The following NIFK variants were observed in gnomAD, a reference collection of about 807,000 sequenced individuals.
The protein encoded by NIFK is nucleolar protein interacting with the FHA domain of MKI67.
A neutral mutation model predicts 31.7 loss-of-function variants in NIFK; 16 were observed. That is an observed-to-expected ratio of 0.50 (90% confidence interval 0.34 to 0.77). The LOEUF (loss-of-function observed/expected upper bound fraction) is 0.77, where lower values mean the gene tolerates loss of function less well. Ranked by LOEUF, NIFK falls within the 30% of genes least tolerant of loss-of-function variation. NIFK has a pLI of 0.01. For synonymous variants in NIFK, 126 were observed against 123.0 expected (o/e 1.02, Z -0.16); for missense variants, 341 against 350.4 (o/e 0.97, Z 0.21).
chr2:121,728,613 C>T lies in NIFK; in HGVS notation c.565-77G>A, dbSNP rs17006772. 1,920 of 771,894 alleles carry T rather than the reference C, an allele frequency of 2.5e-3. 28 individuals are homozygous for T. In the African/African-American group the frequency reaches 0.031, roughly 12 times the overall value. The allele number at this position is 771,894 out of a possible 1,614,324, so 47.8% of individuals were successfully genotyped here. The stretch of plus-strand genomic sequence containing the variant: ...AGCATTAGATCCTCATATATATTAT[C>T]AGTAAATCCTCCCTAAATGACAAGA... On this transcript the variant is annotated intron_variant, in intron 4 of 6. Transcript: ENST00000285814.
At position 121,731,133 on chromosome 2, in the gene NIFK, G is replaced by A. The variant is rs372425057; in HGVS notation, c.353-29C>T. The stretch of plus-strand genomic sequence containing the variant: ...TTTTCAAAAAGAAAAAAACATAAAG[G>A]TATTTTAATGTTAACTTTAGAATCT... On this transcript the variant is annotated intron_variant, in intron 3 of 6. Transcript: ENST00000285814. 3.3e-3 allele frequency: 4,320 copies of A among 1,292,130 alleles called. 168 individuals carry two copies. In the South Asian group the frequency reaches 0.053, roughly 16 times the overall value. The allele number at this position is 1,292,130 out of a possible 1,614,324, so 80.0% of individuals were successfully genotyped here. A position where few individuals can be genotyped will look rare whatever the true frequency, so the allele number is the denominator to read the frequency against.
At chr2:121,736,336 G>A (rs1573376842) in intron 1 of NIFK, among the ~76,000 whole-genome samples, 2 of 152,232 alleles carry the variant, frequency 1.3e-5, no homozygotes, top group Non-Finnish European at 2.9e-5. Flanking sequence ...CAAACTTCCC[G>A]AATGTGTTAA....
At chr2:121,735,575 G>GA (rs772175578) in intron 2 of NIFK, 38 bp downstream of exon 2, 17 of 1,606,812 alleles carry the variant, frequency 1.1e-5, no homozygotes, top group Non-Finnish European at 1.3e-5. Flanking sequence ...ATACACATTT[G>GA]AAAAACAAAA....
Position 121,732,157 on chromosome 2 carries a change from A to C in NIFK, c.291T>G (p.Asp97Glu). 6.2e-7 allele frequency: 1 copy of C among 1,613,752 alleles called. No individual in the cohort carries two copies. Among genetic ancestry groups the C allele is most frequent in the Non-Finnish European group, 8.5e-7 (1 of 1,179,628 alleles). ...TTGTTTCAGCAACTATTTTGGCAAC[A>C]TCCTCAGACTCAAACTCCACAAATG... ...GYAFVEFESE[D>E]VAKIVAETMN... Residue 97 changes from aspartate (D) to glutamate (E), a missense_variant, in exon 3 of 7, where the codon GAT becomes GAG. Physicochemically the swap from Asp to Glu is conservative, Grantham distance 45. Coordinates refer to ENST00000285814, the MANE Select transcript of NIFK (RefSeq NM_032390.5).
intron 4 of NIFK, among the ~76,000 whole-genome samples, chr2:121,729,635 G>A (rs1419058797): frequency 6.6e-6 from 1 of 152,128 alleles, no homozygotes; most frequent in South Asian, 2.1e-4. Flanking sequence ...TACAATCACA[G>A]TTCACTGCAA....
At position 121,736,862 on chromosome 2, in the gene NIFK, C is replaced by T; in HGVS notation, c.-12G>A. 6.2e-7 allele frequency: 1 copy of T among 1,608,964 alleles called. No individual in the cohort carries two copies. Among genetic ancestry groups the T allele is most frequent in the Non-Finnish European group, 8.5e-7 (1 of 1,175,544 alleles). On this transcript the variant is annotated 5_prime_UTR_variant, in exon 1 of 7. Transcript: ENST00000285814. ...GAAAAAGTCGCCATGCCAAAAGCCGCCGACGCTAACCACGCGGCGCTCCCG... is the reference window on the plus strand; with the variant it reads ...GAAAAAGTCGCCATGCCAAAAGCCGTCGACGCTAACCACGCGGCGCTCCCG...
intron 4 of NIFK, 80 bp downstream of exon 4, chr2:121,730,813 G>A (rs764911542): frequency 1.1e-6 from 1 of 934,442 alleles, no homozygotes; most frequent in Non-Finnish European, 1.8e-6. Context: ...GTAAGTGCTA[G>A]GCTAGGTACT....
In NIFK at chr2:121,736,875, C is replaced by T. The variant is rs764951177; in HGVS notation, c.-25G>A. ...TGCCAAAAGCCGCCGACGCTAACCA[C>T]GCGGCGCTCCCGGAAACGTCGGGCT... On this transcript the variant is annotated 5_prime_UTR_variant, in exon 1 of 7. In the 5' UTR this introduces an upstream ATG that the reference lacks. Coordinates refer to ENST00000285814, the MANE Select transcript of NIFK (RefSeq NM_032390.5). 1.3e-6 allele frequency: 2 copies of T among 1,591,408 alleles called. No individual in the cohort carries two copies. The highest frequency in any genetic ancestry group is 1.7e-6 in the Non-Finnish European group (2 of 1,159,734).
At chr2:121,730,457 G>A (rs376295415) in intron 4 of NIFK, 44 of 161,260 alleles carry the variant, frequency 2.7e-4, no homozygotes, top group Admixed American at 6.4e-4. Context: ...CTTGAACCCC[G>A]GAGGCGGAGG....
chr2:121,733,966 C>A (rs1024091839), intron 2 of NIFK, among the ~76,000 whole-genome samples: 8 of 152,082 alleles, frequency 5.3e-5, no homozygotes, highest in Non-Finnish European at 1.2e-4. Context: ...GCAGCTTAAT[C>A]TAAAGAGTTA....
chr2:121,732,939 G>T (rs1265897080), intron 2 of NIFK, among the ~76,000 whole-genome samples: 1 of 151,752 alleles, frequency 6.6e-6, no homozygotes, highest in African/African-American at 2.4e-5. Context: ...AAAATTAGCT[G>T]GGCATGGTGA....
chr2:121,728,706 G>T, intron 4 of NIFK, 170 bp from the exon 5 acceptor site: 1 of 516,182 alleles, frequency 1.9e-6, no homozygotes, highest in Non-Finnish European at 3.4e-6. Flanking sequence ...GCAAAACTAG[G>T]AAAAACCCAG....
chr2:121,730,916 T>A lies in NIFK; in HGVS notation c.541A>T (p.Ile181Phe). 6.2e-7 allele frequency: 1 copy of A among 1,610,880 alleles called. No individual in the cohort carries two copies. The change falls in exon 4 of 7, where the codon ATT becomes TTT. Residue 181 changes from isoleucine (I) to phenylalanine (F), a missense_variant. Physicochemically the swap from Ile to Phe is conservative, Grantham distance 21. Transcript: ENST00000285814. Reference protein sequence around the residue: ...LLRKKLAKKGIDYDFPSLILQ... With the variant: ...LLRKKLAKKGFDYDFPSLILQ... ...ACCAAAGAAGGAAAATCATAGTCAA[T>A]TCCTTTTTTAGCTAATTTCTTCCTG...
At position 121,736,831 on chromosome 2, in the gene NIFK, G is replaced by A. The variant is rs944946517; in HGVS notation, c.20C>T (p.Pro7Leu). 1.2e-6 allele frequency: 2 copies of A among 1,613,982 alleles called. No individual in the cohort carries two copies. Among genetic ancestry groups the A allele is most frequent in the East Asian group, 4.5e-5 (2 of 44,898 alleles). The stretch of plus-strand genomic sequence containing the variant: ...ATTAAGCGACAGGATTGGCCCAGCC[G>A]GGCCAGAAAAAGTCGCCATGCCAAA... MATFSGPAGPILSLNPQ... is the reference protein window; with the variant it reads MATFSGLAGPILSLNPQ... The change falls in exon 1 of 7, where the codon CCG becomes CTG. Residue 7 changes from proline (P) to leucine (L), a missense_variant. Physicochemically the swap from Pro to Leu is moderately conservative, Grantham distance 98. Coordinates refer to ENST00000285814, the MANE Select transcript of NIFK (RefSeq NM_032390.5).
intron 4 of NIFK, 40 bp from the exon 5 acceptor site, chr2:121,728,576 C>A (rs1162542101): frequency 8.6e-7 from 1 of 1,156,464 alleles, no homozygotes; most frequent in African/African-American, 1.6e-5. Flanking sequence ...CATATCTTTT[C>A]TTTCTAAACT....
chr2:121,731,166 G>T, intron 3 of NIFK, 62 bp from the exon 4 acceptor site: 1 of 919,896 alleles, frequency 1.1e-6, no homozygotes, highest in Non-Finnish European at 1.7e-6. Context: ...TCTCCGCAGT[G>T]CCATTCCTCA....
At position 121,736,749 on chromosome 2, in the gene NIFK, G is replaced by A. The variant is rs2074584517; in HGVS notation, c.102C>T (p.Thr34=). 1 of 1,613,340 alleles carries A rather than the reference G, an allele frequency of 6.2e-7. No individual in the cohort carries two copies. The highest frequency in any genetic ancestry group is 1.7e-5 in the Admixed American group (1 of 60,000). The change falls in exon 1 of 7, where the codon ACC becomes ACT. Residue 34 remains threonine (T), a synonymous_variant. Transcript: ENST00000285814. The part of the protein sequence containing the change: ...KEVAQVRKRI[T]QRKKQEQLTP... ...CTGGGCCAGGGTGCCTGCTCACCTG[G>A]GTTATGCGCTTGCGAACCTGCGCCA...
In NIFK at chr2:121,727,782, T is replaced by G. The variant is rs761368902; in HGVS notation, c.824A>C (p.Gln275Pro). The change falls in exon 7 of 7, where the codon CAA becomes CCA. Residue 275 changes from glutamine (Q) to proline (P), a missense_variant. By Grantham distance (76) the Gln-to-Pro change is moderately conservative (BLOSUM62 -1). Transcript: ENST00000285814. The part of the protein sequence containing the change: ...QPISCVKEEI[Q>P]ETQTPTHSRK... ...TGAATGTGTAGGTGTTTGAGTCTCT[T>G]GTATTTCTTCTTTTACACAGGATAT... 5.6e-6 allele frequency: 9 copies of G among 1,608,634 alleles called. No individual in the cohort carries two copies. Among genetic ancestry groups the G allele is most frequent in the Non-Finnish European group, 6.8e-6 (8 of 1,178,952 alleles).
chr2:121,736,673 C>A, intron 1 of NIFK, 73 bp downstream of exon 1: 4 of 1,329,352 alleles, frequency 3.0e-6, no homozygotes, highest in Non-Finnish European at 4.3e-6. Context: ...GGCCGGAAAC[C>A]GTGCAACCCC....
Sources: allele counts gnomAD v4.1 joint callset (sites outside exome capture counted in the v4.1 genomes callset), GRCh38; gene constraint gnomAD v4.1.1; transcripts MANE v1.5; gene names NCBI Gene and HGNC (gene_info 2026-07-23, HGNC 2026-07-21).